GABRA3: variants seen among roughly 807,000 people sequenced by gnomAD.
GABRA3 encodes gamma-aminobutyric acid type A receptor subunit alpha3, also known as gamma-aminobutyric acid receptor subunit alpha-3.
Under a neutral mutation model 30.1 loss-of-function variants are expected in GABRA3, and 10 were observed. That is an observed-to-expected ratio of 0.33 (90% CI 0.20 to 0.56). The LOEUF (loss-of-function observed/expected upper bound fraction) is 0.56, where lower values mean the gene tolerates loss of function less well. Among genes scored for constraint, GABRA3 ranks in the 20% least tolerant of loss-of-function variants. The pLI is 0.89. For synonymous variants in GABRA3, 151 were observed against 146.8 expected (o/e 1.03, Z -0.21); for missense variants, 233 against 392.0 (o/e 0.59, Z 3.42).
chrX:152,312,152 A>T, intron 3 of GABRA3, among the ~76,000 whole-genome samples: 1 of 112,292 alleles, frequency 8.9e-6, no homozygotes, highest in East Asian at 2.8e-4. Flanking sequence ...CAATGTACAG[A>T]TTCAATGAGA....
At chrX:152,300,982 TC>T in intron 3 of GABRA3, among the ~76,000 whole-genome samples, 1 of 111,787 alleles carries the variant, frequency 8.9e-6, no homozygotes, top group Non-Finnish European at 1.9e-5. Flanking sequence ...CTCAGAAACT[TC>T]CAAAATCTGA....
At chrX:152,446,045 C>T (rs1931078884) in intron 1 of GABRA3, among the ~76,000 whole-genome samples, 1 of 112,041 alleles carries the variant, frequency 8.9e-6, no homozygotes, top group Non-Finnish European at 1.9e-5. Flanking sequence ...CTCCTGTGGA[C>T]ATGAGCCTGG....
chrX:152,387,240 G>A (rs1031898207), intron 1 of GABRA3, among the ~76,000 whole-genome samples: 27 of 109,537 alleles, frequency 2.5e-4, no homozygotes, highest in African/African-American at 9.0e-4. Flanking sequence ...TGGCACATGT[G>A]TACATGTGTA....
rs769172765 is a variant in GABRA3, at chrX:152,261,611, C to A, written c.331-5613G>T. Among the ~76,000 whole-genome samples the A allele has an allele frequency of 4.4e-5, 5 of 112,789 alleles. No homozygotes were observed. In the East Asian group the frequency reaches 1.4e-3, roughly 32 times the overall value. ...TGATGTCCTTTGACTCCATGTCTCA[C>A]ATCCAGGTCATGCTGATGCAAGAGG... On this transcript the variant is annotated intron_variant, in intron 4 of 9. Transcript: ENST00000370314.
At chrX:152,216,480 C>T (rs1282357288) in intron 6 of GABRA3, among the ~76,000 whole-genome samples, 4 of 105,380 alleles carry the variant, frequency 3.8e-5, no homozygotes, top group African/African-American at 1.4e-4. Flanking sequence ...GAATGAAATC[C>T]TATTATCTGT....
chrX:152,170,579 T>C (rs900968516), intron 9 of GABRA3, among the ~76,000 whole-genome samples: 26 of 112,030 alleles, frequency 2.3e-4, no homozygotes, highest in Non-Finnish European at 4.9e-4. Context: ...GCTTCCAAAA[T>C]CACTGGGATT....
intron 1 of GABRA3, among the ~76,000 whole-genome samples, chrX:152,403,699 T>C (rs1929854422): frequency 9.1e-6 from 1 of 110,028 alleles, no homozygotes; most frequent in South Asian, 3.9e-4. Flanking sequence ...TTAACCCCTG[T>C]CAGAATTTGC....
At chrX:152,387,871 T>C (rs1363924877) in intron 1 of GABRA3, among the ~76,000 whole-genome samples, 2 of 111,219 alleles carry the variant, frequency 1.8e-5, no homozygotes, top group African/African-American at 3.3e-5. Flanking sequence ...TTGTAAACAA[T>C]CTTGCAGCAT....
In GABRA3 at chrX:152,384,057, A is replaced by G. The variant is rs182114750; in HGVS notation, c.-26-19461T>C. Among the ~76,000 whole-genome samples, 261 of 110,766 alleles carry G rather than the reference A, an allele frequency of 2.4e-3. 2 individuals carry two copies. Among genetic ancestry groups the G allele is most frequent in the Middle Eastern group, 9.3e-3 (2 of 215 alleles). On this transcript the variant is annotated intron_variant, in intron 1 of 9. Coordinates refer to ENST00000370314, the MANE Select transcript of GABRA3 (RefSeq NM_000808.4). ...AAGGATACAAAATACCCTTACAAAAATCAGGAGCCTTTCTACATACTATGA... is the reference window on the plus strand; with the variant it reads ...AAGGATACAAAATACCCTTACAAAAGTCAGGAGCCTTTCTACATACTATGA...
intron 9 of GABRA3, among the ~76,000 whole-genome samples, chrX:152,182,406 T>C (rs898770358): frequency 1.1e-5 from 1 of 93,044 alleles, no homozygotes; most frequent in Non-Finnish European, 2.1e-5. Context: ...CTAGTATATA[T>C]AGACACACTA....
chrX:152,377,315 TAAATA>T (rs1929024447), intron 1 of GABRA3, among the ~76,000 whole-genome samples: 1 of 111,318 alleles, frequency 9.0e-6, no homozygotes, highest in Non-Finnish European at 1.9e-5. Context: ...TACTGCAGAC[TAAATA>T]AAATAAAATC....
At chrX:152,387,486 C>T (rs1929356582) in intron 1 of GABRA3, among the ~76,000 whole-genome samples, 1 of 111,107 alleles carries the variant, frequency 9.0e-6, no homozygotes. Context: ...TTCTGGAGTA[C>T]CCACAATGTT....
chrX:152,341,667 CT>C (rs1489797571), intron 3 of GABRA3, among the ~76,000 whole-genome samples: 3 of 99,663 alleles, frequency 3.0e-5, no homozygotes, highest in East Asian at 3.3e-4. Flanking sequence ...AGCCTCCCAA[CT>C]AGCTGGGACT....
At chrX:152,347,932 G>A (rs1242273829) in intron 2 of GABRA3, among the ~76,000 whole-genome samples, 1 of 111,784 alleles carries the variant, frequency 8.9e-6, no homozygotes, top group African/African-American at 3.3e-5. Flanking sequence ...TTGAGCCTGG[G>A]AAGCGGAGGT....
At chrX:152,450,450 C>T (rs1931193741) in intron 1 of GABRA3, among the ~76,000 whole-genome samples, 1 of 106,824 alleles carries the variant, frequency 9.4e-6, no homozygotes, top group Admixed American at 1.0e-4. Context: ...TGAGGGTGGG[C>T]AGGCAATGGA....
At chrX:152,199,991 A>G (rs959652485) in intron 7 of GABRA3, among the ~76,000 whole-genome samples, 2 of 111,832 alleles carry the variant, frequency 1.8e-5, no homozygotes, top group Non-Finnish European at 3.8e-5. Flanking sequence ...CTAGAGTACT[A>G]TAATAGCTTT....
intron 3 of GABRA3, among the ~76,000 whole-genome samples, chrX:152,337,233 T>C (rs1940247019): frequency 8.9e-6 from 1 of 111,784 alleles, no homozygotes; most frequent in African/African-American, 3.3e-5. Flanking sequence ...TTTTCACTCC[T>C]AGCTGTCTTG....
chrX:152,398,086 T>C (rs910059881), intron 1 of GABRA3, among the ~76,000 whole-genome samples: 1 of 111,431 alleles, frequency 9.0e-6, no homozygotes, highest in African/African-American at 3.3e-5. Context: ...TGTCTACTTG[T>C]GGCCACAACT....
At position 152,315,983 on chromosome X, in the gene GABRA3, C is replaced by A. The variant is rs1425247233; in HGVS notation, c.262+29598G>T. On this transcript the variant is annotated intron_variant, in intron 3 of 9. Coordinates refer to ENST00000370314, the MANE Select transcript of GABRA3 (RefSeq NM_000808.4). ...GGCCCGCCCCCCGACCCCCCCCCCC[C>A]CCACCACATGATCCTCTCCTGTACT... Among the ~76,000 whole-genome samples the A allele has an allele frequency of 2.6e-3, 222 of 86,929 alleles. 12 individuals are homozygous for A. Among genetic ancestry groups the A allele is most frequent in the Non-Finnish European group, 4.3e-3 (187 of 43,684 alleles). 75.5% of individuals were successfully genotyped at this position (86,929 alleles called of 115,157 possible).
Sources: gnomAD v4.1 joint callset for allele counts (sites outside exome capture counted in the v4.1 genomes callset) on GRCh38, gnomAD v4.1.1 for gene constraint, MANE v1.5 for transcripts, NCBI Gene and HGNC (gene_info 2026-07-23, HGNC 2026-07-21) for gene names.